Variants in CCDC192 observed in about 807,000 individuals in gnomAD.
The protein encoded by CCDC192 is coiled-coil domain-containing protein 192.
intron 2 of CCDC192, among the ~76,000 whole-genome samples, chr5:127,718,725 G>A (rs1296788595): frequency 6.6e-6 from 1 of 152,092 alleles, no homozygotes; most frequent in Non-Finnish European, 1.5e-5. Flanking sequence ...CCAGTTTTGA[G>A]GATCATCTTG....
intron 2 of CCDC192, among the ~76,000 whole-genome samples, chr5:127,741,694 C>T (rs1753429254): frequency 1.3e-5 from 2 of 152,248 alleles, no homozygotes; most frequent in South Asian, 4.1e-4. Context: ...ACTCCTCTAG[C>T]CCAGATCCTA....
chr5:127,723,390 C>A (rs1237601050), intron 2 of CCDC192, among the ~76,000 whole-genome samples: 1 of 152,122 alleles, frequency 6.6e-6, no homozygotes, highest in African/African-American at 2.4e-5. Flanking sequence ...AACATAAGAT[C>A]ATATTATCTG....
chr5:127,818,998 T>C (rs1397551833), intron 5 of CCDC192, among the ~76,000 whole-genome samples: 1 of 152,156 alleles, frequency 6.6e-6, no homozygotes, highest in Non-Finnish European at 1.5e-5. Flanking sequence ...GGATTCATAG[T>C]AGAAAAAGAA....
At chr5:127,806,177 C>G (rs1402942094) in intron 5 of CCDC192, among the ~76,000 whole-genome samples, 1 of 152,170 alleles carries the variant, frequency 6.6e-6, no homozygotes, top group Admixed American at 6.5e-5. Context: ...AGCCAATGCA[C>G]AATAAATTGC....
chr5:127,800,525 G>T (rs1757453203), intron 5 of CCDC192, among the ~76,000 whole-genome samples: 1 of 151,942 alleles, frequency 6.6e-6, no homozygotes, highest in African/African-American at 2.4e-5. Context: ...TTCCAAAAGA[G>T]TTTGATTATG....
At chr5:127,859,350 G>C (rs980165917) in intron 5 of CCDC192, among the ~76,000 whole-genome samples, 1 of 152,104 alleles carries the variant, frequency 6.6e-6, no homozygotes, top group African/African-American at 2.4e-5. Flanking sequence ...GTCAGACACA[G>C]GAATCTGTAT....
At chr5:127,720,219 G>T (rs964547722) in intron 2 of CCDC192, among the ~76,000 whole-genome samples, 1 of 152,110 alleles carries the variant, frequency 6.6e-6, no homozygotes, top group Non-Finnish European at 1.5e-5. Flanking sequence ...GATACAATGG[G>T]GGTACTGGCA....
Position 127,741,701 on chromosome 5 carries a change from C to G in CCDC192, c.115-12567C>G, listed in dbSNP as rs114939151. 2.6e-5 allele frequency among the ~76,000 whole-genome samples: 4 copies of G among 152,130 alleles called. No homozygotes were observed. The East Asian group carries it at 7.7e-4, about 29-fold the overall frequency. ...AATTCAGGACTCCTCTAGCCCAGAT[C>G]CTATTTTGCTATTAACTTTAATTTA... is the stretch of plus-strand genomic sequence containing the variant. On this transcript the variant is annotated intron_variant, in intron 2 of 6. Coordinates refer to ENST00000514853, the MANE Select transcript of CCDC192 (RefSeq NM_001317938.2).
At chr5:127,889,951 A>G (rs780466676) in intron 6 of CCDC192, among the ~76,000 whole-genome samples, 5 of 151,944 alleles carry the variant, frequency 3.3e-5, no homozygotes, top group African/African-American at 7.3e-5. Context: ...TAACTAATCA[A>G]TATGTCCCCT....
chr5:127,888,782 TGGC>T (rs539151775), intron 6 of CCDC192, among the ~76,000 whole-genome samples: 97 of 152,340 alleles, frequency 6.4e-4, no homozygotes, highest in African/African-American at 1.9e-3. Flanking sequence ...TTATTAACTG[TGGC>T]AGAAGAAGAC....
chr5:127,870,813 G>A (rs1239799155), intron 5 of CCDC192, among the ~76,000 whole-genome samples: 1 of 152,224 alleles, frequency 6.6e-6, no homozygotes, highest in East Asian at 1.9e-4. Context: ...GACTTTTAAA[G>A]ACAAGTTGTA....
At chr5:127,841,045 G>A (rs1272817380) in intron 5 of CCDC192, among the ~76,000 whole-genome samples, 1 of 152,132 alleles carries the variant, frequency 6.6e-6, no homozygotes, top group Non-Finnish European at 1.5e-5. Flanking sequence ...AATAAGATGT[G>A]ACCTGGAAAT....
chr5:127,913,187 C>T (rs1022150863), intron 6 of CCDC192, among the ~76,000 whole-genome samples: 1 of 152,126 alleles, frequency 6.6e-6, no homozygotes, highest in African/African-American at 2.4e-5. Flanking sequence ...ATTATGATGC[C>T]TAGTCTACAG....
intron 2 of CCDC192, among the ~76,000 whole-genome samples, chr5:127,724,541 T>C (rs968391606): frequency 7.9e-5 from 12 of 152,022 alleles, no homozygotes; most frequent in African/African-American, 2.9e-4. Context: ...ATGGTTGGAA[T>C]TGGTTTGTGG....
rs116170990 is a variant in CCDC192 at position 127,846,933 on chromosome 5, C to T, written c.412-28605C>T. ...TGTCAATTCTACCTTGGAAAAAGGTCGATTAATATTTTCCCTGCTCAGCAT... is the reference window on the plus strand; with the variant it reads ...TGTCAATTCTACCTTGGAAAAAGGTTGATTAATATTTTCCCTGCTCAGCAT... On this transcript the variant is annotated intron_variant, in intron 5 of 6. Coordinates refer to ENST00000514853, the MANE Select transcript of CCDC192 (RefSeq NM_001317938.2). 4.0e-3 allele frequency among the ~76,000 whole-genome samples: 603 copies of T among 151,328 alleles called. 9 individuals carry two copies. The highest frequency in any genetic ancestry group is 0.013 in the African/African-American group (547 of 41,230).
intron 6 of CCDC192, among the ~76,000 whole-genome samples, chr5:127,909,925 T>C (rs1368480670): frequency 6.6e-6 from 1 of 152,180 alleles, no homozygotes; most frequent in African/African-American, 2.4e-5. Flanking sequence ...AAGGAATCAA[T>C]ACAAGGATCA....
intron 5 of CCDC192, among the ~76,000 whole-genome samples, chr5:127,843,645 C>T (rs1159071775): frequency 6.6e-6 from 1 of 152,012 alleles, no homozygotes; most frequent in Non-Finnish European, 1.5e-5. Context: ...CTCATATTGG[C>T]CGGGCTGGTC....
chr5:127,889,717 A>G (rs1437587031), intron 6 of CCDC192, among the ~76,000 whole-genome samples: 1 of 152,110 alleles, frequency 6.6e-6, no homozygotes, highest in Non-Finnish European at 1.5e-5. Context: ...TCTACTCTTT[A>G]AATTGATTGG....
intron 5 of CCDC192, among the ~76,000 whole-genome samples, chr5:127,871,976 G>A (rs538667237): frequency 7.9e-5 from 12 of 152,194 alleles, no homozygotes; most frequent in Non-Finnish European, 1.6e-4. Flanking sequence ...TTAGATTCAA[G>A]TATGACATTT....
Sources: gnomAD v4.1 joint callset for allele counts (sites outside exome capture counted in the v4.1 genomes callset) on GRCh38, gnomAD v4.1.1 for gene constraint, MANE v1.5 for transcripts, NCBI Gene and HGNC (gene_info 2026-07-23, HGNC 2026-07-21) for gene names.